Variants in GRIK2 observed in about 807,000 individuals in gnomAD.
GRIK2 encodes glutamate ionotropic receptor kainate type subunit 2.
A neutral mutation model predicts 100.3 loss-of-function variants in GRIK2; 32 were observed. The ratio of observed to expected loss-of-function variants is 0.32; its 90% CI spans 0.24 to 0.43. The LOEUF (loss-of-function observed/expected upper bound fraction) is 0.43. Ranked by LOEUF, GRIK2 falls within the 20% of genes least tolerant of loss-of-function variation. The pLI is 1.00. For synonymous variants in GRIK2, 417 were observed against 389.4 expected, an observed-to-expected ratio of 1.07 and a Z score of -0.83; for missense variants, 843 against 1,114.9, an observed-to-expected ratio of 0.76 and a Z score of 3.47.
intron 16 of GRIK2, among the ~76,000 whole-genome samples, chr6:102,067,736 C>T (rs993558248): frequency 5.9e-5 from 9 of 151,934 alleles, no homozygotes; most frequent in African/African-American, 2.2e-4. Flanking sequence ...GTCTAACATG[C>T]TATAATTTGT....
At chr6:101,960,005 G>A (rs902038762) in intron 14 of GRIK2, among the ~76,000 whole-genome samples, 1 of 145,884 alleles carries the variant, frequency 6.9e-6, no homozygotes, top group Non-Finnish European at 1.5e-5. Flanking sequence ...CATAGGTTTG[G>A]TTACTTTACG....
At chr6:101,733,444 CT>C (rs1775417529) in intron 7 of GRIK2, among the ~76,000 whole-genome samples, 1 of 152,082 alleles carries the variant, frequency 6.6e-6, no homozygotes, top group Non-Finnish European at 1.5e-5. Context: ...TTCATTCTGT[CT>C]TTTTTACTAT....
intron 12 of GRIK2, among the ~76,000 whole-genome samples, chr6:101,921,649 T>C (rs1008074144): frequency 5.9e-5 from 9 of 151,956 alleles, no homozygotes; most frequent in South Asian, 4.2e-4. Context: ...AGAGATAAGG[T>C]AGACCACAGA....
intron 2 of GRIK2, among the ~76,000 whole-genome samples, chr6:101,520,427 T>C (rs1448513038): frequency 6.6e-6 from 1 of 151,298 alleles, no homozygotes; most frequent in Non-Finnish European, 1.5e-5. Flanking sequence ...TAATATGTAA[T>C]ATATAAAGAG....
At chr6:101,576,074 T>C (rs1777774083) in intron 2 of GRIK2, among the ~76,000 whole-genome samples, 1 of 152,086 alleles carries the variant, frequency 6.6e-6, no homozygotes, top group African/African-American at 2.4e-5. Context: ...ATTATCATAT[T>C]ATGATATATG....
At chr6:101,868,929 A>T (rs1785217274) in intron 11 of GRIK2, among the ~76,000 whole-genome samples, 1 of 151,922 alleles carries the variant, frequency 6.6e-6, no homozygotes, top group Admixed American at 6.6e-5. Flanking sequence ...GATGAACATT[A>T]AATACATTTT....
In GRIK2 at chr6:101,522,000, A is replaced by C. The variant is rs111877535; in HGVS notation, c.116-99949A>C. Among the ~76,000 whole-genome samples the C allele has an allele frequency of 5.4e-3, 817 of 152,192 alleles. 9 individuals carry two copies. The highest frequency in any genetic ancestry group is 0.019 in the African/African-American group (790 of 41,562). ...TAATTATTTCAGGCATTTGTTTTTA[A>C]TGAATATTTTGAAGGTATTATGGAG... is the stretch of plus-strand genomic sequence containing the variant. On this transcript the variant is annotated intron_variant, in intron 2 of 16. Coordinates refer to ENST00000369134, the MANE Select transcript of GRIK2 (RefSeq NM_021956.5).
intron 11 of GRIK2, among the ~76,000 whole-genome samples, chr6:101,862,498 A>T (rs113780035): frequency 1.3e-5 from 2 of 152,226 alleles, no homozygotes; most frequent in African/African-American, 4.8e-5. Context: ...GCATAATCAT[A>T]GTTCATTGCA....
At chr6:101,580,603 T>C (rs969142387) in intron 2 of GRIK2, among the ~76,000 whole-genome samples, 30 of 152,148 alleles carry the variant, frequency 2.0e-4, no homozygotes, top group African/African-American at 7.0e-4. Flanking sequence ...AATGGCACTA[T>C]AGCATTCTTC....
At chr6:102,036,601 G>T (rs1403131895) in intron 15 of GRIK2, among the ~76,000 whole-genome samples, 1 of 151,024 alleles carries the variant, frequency 6.6e-6, no homozygotes, top group African/African-American at 2.4e-5. Context: ...GAGAGAAAGA[G>T]AAAGAAGAGA....
chr6:101,477,846 T>G (rs1393801524), intron 2 of GRIK2, among the ~76,000 whole-genome samples: 1 of 152,224 alleles, frequency 6.6e-6, no homozygotes, highest in African/African-American at 2.4e-5. Flanking sequence ...GACTGTAATT[T>G]ACATTTATAT....
intron 9 of GRIK2, among the ~76,000 whole-genome samples, chr6:101,805,642 A>G (rs1280794898): frequency 1.3e-5 from 2 of 152,022 alleles, no homozygotes; most frequent in African/African-American, 4.8e-5. Context: ...TTATGCCCTC[A>G]TGAAGGTTAT....
intron 14 of GRIK2, among the ~76,000 whole-genome samples, chr6:102,032,050 T>A (rs1770027504): frequency 6.6e-6 from 1 of 151,230 alleles, no homozygotes; most frequent in Non-Finnish European, 1.5e-5. Context: ...TGGGTGGGTA[T>A]GGGGGATTAT....
chr6:101,744,523 C>CATATGT (rs1776267394), intron 7 of GRIK2: 3 of 61,222 alleles, frequency 4.9e-5, no homozygotes, highest in Non-Finnish European at 9.4e-5. Flanking sequence ...TGCGTGCGCG[C>CATATGT]ATATATATAT....
chr6:101,494,466 A>C (rs886696284), intron 2 of GRIK2, among the ~76,000 whole-genome samples: 1 of 152,062 alleles, frequency 6.6e-6, no homozygotes, highest in Non-Finnish European at 1.5e-5. Flanking sequence ...TTTAAAAAGT[A>C]TATTAGAACA....
intron 11 of GRIK2, among the ~76,000 whole-genome samples, chr6:101,884,674 A>G (rs548114231): frequency 5.6e-4 from 85 of 152,284 alleles, no homozygotes; most frequent in South Asian, 2.9e-3. Context: ...GGTTAGTTCA[A>G]TTGAAATTAT....
intron 10 of GRIK2, among the ~76,000 whole-genome samples, chr6:101,844,994 A>T (rs151069288): frequency 1.3e-5 from 2 of 148,842 alleles, no homozygotes; most frequent in East Asian, 2.3e-4. Context: ...TTCTGCGTTC[A>T]TTGTTTGTTT....
In GRIK2 at chr6:101,737,645, G is replaced by A. The variant is rs1276417866; in HGVS notation, c.951+51292G>A. Among the ~76,000 whole-genome samples, 7 of 152,144 alleles carry A rather than the reference G, an allele frequency of 4.6e-5. No individual in the cohort carries two copies. In the East Asian group the frequency reaches 1.2e-3, roughly 25 times the overall value. ...AGCTACAAGATGAGATTTGGGTGGGGACACAGATCCAAACAATATCACATG... is the reference window on the plus strand; with the variant it reads ...AGCTACAAGATGAGATTTGGGTGGGAACACAGATCCAAACAATATCACATG... On this transcript the variant is annotated intron_variant, in intron 7 of 16. Coordinates refer to ENST00000369134, the MANE Select transcript of GRIK2 (RefSeq NM_021956.5).
At chr6:101,614,016 G>A (rs1779793099) in intron 2 of GRIK2, among the ~76,000 whole-genome samples, 1 of 151,514 alleles carries the variant, frequency 6.6e-6, no homozygotes, top group South Asian at 2.1e-4. Context: ...GAGAGGTGAG[G>A]GACTGCTTCA....
Sources: gnomAD v4.1 joint callset for allele counts (sites outside exome capture counted in the v4.1 genomes callset) on GRCh38, gnomAD v4.1.1 for gene constraint, MANE v1.5 for transcripts, NCBI Gene and HGNC (gene_info 2026-07-23, HGNC 2026-07-21) for gene names.